FARS2: variants seen among roughly 807,000 people sequenced by gnomAD.
The protein encoded by FARS2 is phenylalanine--tRNA ligase, mitochondrial.
FARS2 carries 40 observed loss-of-function variants against 46.4 expected under a neutral mutation model. The observed-to-expected ratio is 0.86, with a 90% CI of 0.67 to 1.12. The LOEUF is 1.12. Among genes scored for constraint, FARS2 ranks in the 50% most tolerant of loss-of-function variants. The pLI is 0.00. For synonymous variants in FARS2, 234 were observed against 214.9 expected (o/e 1.09, Z -0.78); for missense variants, 513 against 567.9 (o/e 0.90, Z 0.98).
intron 4 of FARS2, among the ~76,000 whole-genome samples, chr6:5,488,122 A>G (rs1422248394): frequency 6.6e-6 from 1 of 152,134 alleles, no homozygotes; most frequent in Non-Finnish European, 1.5e-5. Context: ...CCTGGAGTTC[A>G]TCTTTTGCTT....
At chr6:5,312,281 T>C (rs534777661) in intron 1 of FARS2, among the ~76,000 whole-genome samples, 8 of 152,336 alleles carry the variant, frequency 5.3e-5, no homozygotes, top group African/African-American at 1.9e-4. Context: ...TTTTAGGCTT[T>C]GCTTACTATT....
chr6:5,392,399 A>G (rs561427630), intron 2 of FARS2, among the ~76,000 whole-genome samples: 4 of 152,294 alleles, frequency 2.6e-5, no homozygotes, highest in Admixed American at 2.0e-4. Flanking sequence ...TATTTTGGTC[A>G]TACCCATATA....
At chr6:5,575,152 T>C (rs1772886767) in intron 5 of FARS2, among the ~76,000 whole-genome samples, 1 of 152,168 alleles carries the variant, frequency 6.6e-6, no homozygotes, top group African/African-American at 2.4e-5. Flanking sequence ...AGCACTATGC[T>C]TGGAAGTCAT....
intron 4 of FARS2, among the ~76,000 whole-genome samples, chr6:5,534,962 C>T (rs113627509): frequency 2.6e-5 from 4 of 152,284 alleles, no homozygotes; most frequent in African/African-American, 7.2e-5. Flanking sequence ...CCACAGCAGC[C>T]GCGCTACTTT....
At chr6:5,755,595 A>G (rs1178256400) in intron 6 of FARS2, among the ~76,000 whole-genome samples, 1 of 152,150 alleles carries the variant, frequency 6.6e-6, no homozygotes, top group Non-Finnish European at 1.5e-5. Context: ...ATTTTCAATC[A>G]TTTAAGTACT....
chr6:5,518,095 C>G (rs926889266), intron 4 of FARS2, among the ~76,000 whole-genome samples: 9 of 152,166 alleles, frequency 5.9e-5, no homozygotes, highest in African/African-American at 2.2e-4. Context: ...TTACTTAGCT[C>G]TAGGCTGTGT....
intron 1 of FARS2, among the ~76,000 whole-genome samples, chr6:5,262,097 C>G (rs1192312622): frequency 3.3e-5 from 5 of 152,210 alleles, no homozygotes; most frequent in African/African-American, 1.2e-4. Flanking sequence ...CCACACCTTT[C>G]TGCACTCAAG....
chr6:5,368,714 C>A lies in FARS2; in HGVS notation c.144C>A (p.Gly48=). 1 of 1,614,152 alleles carries A rather than the reference C, an allele frequency of 6.2e-7. No homozygotes were observed. The highest frequency in any genetic ancestry group is 8.5e-7 in the Non-Finnish European group (1 of 1,180,022). Residue 48 remains glycine (G), a synonymous_variant, in exon 2 of 7, where the codon GGC becomes GGA. Transcript: ENST00000274680. ...AGTGTGCCACCCAAAGAGCTCCAGG[C>A]AGTGTGGTGGAGCTGCTGGGCAAAT... ...AAECATQRAP[G]SVVELLGKSY...
chr6:5,573,431 C>T (rs182528869), intron 5 of FARS2, among the ~76,000 whole-genome samples: 4 of 152,276 alleles, frequency 2.6e-5, no homozygotes, highest in Admixed American at 6.5e-5. Context: ...CATATAGACA[C>T]GTGTGTGTAT....
chr6:5,392,322 A>C (rs1360826681), intron 2 of FARS2, among the ~76,000 whole-genome samples: 2 of 152,148 alleles, frequency 1.3e-5, no homozygotes, highest in African/African-American at 4.8e-5. Context: ...TGTTGTGCAC[A>C]TGGCCTTATG....
intron 6 of FARS2, among the ~76,000 whole-genome samples, chr6:5,757,854 C>A (rs189811416): frequency 6.6e-6 from 1 of 152,274 alleles, no homozygotes; most frequent in African/African-American, 2.4e-5. Context: ...ATTGTTGCTA[C>A]GGTTACTATT....
chr6:5,317,659 A>G (rs534688267), intron 1 of FARS2, among the ~76,000 whole-genome samples: 10 of 152,140 alleles, frequency 6.6e-5, no homozygotes, highest in Admixed American at 3.3e-4. Context: ...GCGGGCCTGA[A>G]GTTGCAGCTA....
At chr6:5,441,193 A>T (rs1399220521) in intron 4 of FARS2, among the ~76,000 whole-genome samples, 1 of 152,198 alleles carries the variant, frequency 6.6e-6, no homozygotes, top group East Asian at 1.9e-4. Context: ...AAGTGTTGGG[A>T]TTACAGGCAT....
Position 5,456,009 on chromosome 6 carries a change from G to A in FARS2, c.904+24837G>A, listed in dbSNP as rs573384051. On this transcript the variant is annotated intron_variant, in intron 4 of 6. Transcript: ENST00000274680. ...AGTCAAGCAAATTGCTTGAGCCCAG[G>A]AGTACAAGACCAGCCAGGGAAACGT... Among the ~76,000 whole-genome samples the A allele has an allele frequency of 7.2e-5, 11 of 152,242 alleles. No homozygotes were observed. The East Asian group carries it at 2.1e-3, about 29-fold the overall frequency.
intron 4 of FARS2, among the ~76,000 whole-genome samples, chr6:5,534,874 C>G (rs1024324500): frequency 1.0e-4 from 13 of 124,512 alleles, no homozygotes; most frequent in African/African-American, 3.1e-4. Context: ...CACACACACA[C>G]AGAGACTGAG....
rs1423246135 is a variant in FARS2 at position 5,616,018 on chromosome 6, A to T, written c.1217+2698A>T. On this transcript the variant is annotated intron_variant, in intron 6 of 6. Coordinates refer to ENST00000274680, the MANE Select transcript of FARS2 (RefSeq NM_006567.5). ...TTGTAACCCATAGCTCTTAAAAAAA[A>T]AAAAAAAAAAAAAAAAACAACGAAA... Among the ~76,000 whole-genome samples the T allele has an allele frequency of 9.3e-5, 14 of 150,676 alleles. 1 individual carries two copies. In the East Asian group the frequency reaches 2.7e-3, roughly 29 times the overall value.
intron 5 of FARS2, among the ~76,000 whole-genome samples, chr6:5,571,321 G>A (rs566633180): frequency 4.6e-5 from 7 of 152,252 alleles, no homozygotes; most frequent in African/African-American, 1.7e-4. Context: ...TGTGACATAC[G>A]GGTGTAATAC....
intron 6 of FARS2, among the ~76,000 whole-genome samples, chr6:5,711,285 G>GAGAT (rs1201167356): frequency 3.0e-5 from 4 of 133,108 alleles, no homozygotes; most frequent in South Asian, 4.8e-4. Context: ...AAATGAATGC[G>GAGAT]GGATGGATGA....
intron 1 of FARS2, among the ~76,000 whole-genome samples, chr6:5,314,111 C>A (rs538060735): frequency 1.3e-5 from 2 of 152,296 alleles, no homozygotes; most frequent in South Asian, 4.1e-4. Flanking sequence ...AAGTCTTTAA[C>A]CAGCAGTTCT....
Sources: gnomAD v4.1 joint callset for allele counts (sites outside exome capture counted in the v4.1 genomes callset) on GRCh38, gnomAD v4.1.1 for gene constraint, MANE v1.5 for transcripts, NCBI Gene and HGNC (gene_info 2026-07-23, HGNC 2026-07-21) for gene names.